DLGAP2: variants seen among roughly 807,000 people sequenced by gnomAD.
The protein encoded by DLGAP2 is disks large-associated protein 2.
In DLGAP2, 26 loss-of-function variants were observed where a neutral mutation model predicts 100.3. That is an observed-to-expected ratio of 0.26 (90% CI 0.19 to 0.36). The LOEUF is 0.36. Ranked by LOEUF, DLGAP2 falls within the 10% of genes least tolerant of loss-of-function variation. The pLI is 1.00. For synonymous variants in DLGAP2, 886 were observed against 630.1 expected (o/e 1.41, Z -6.08); for missense variants, 1,858 against 1,453.2 (o/e 1.28, Z -4.53).
At position 1,552,180 on chromosome 8, in the gene DLGAP2, G is replaced by A. The variant is rs190384879; in HGVS notation, c.1230+2497G>A. Among the ~76,000 whole-genome samples the A allele has an allele frequency of 3.0e-3, 451 of 152,272 alleles. 3 individuals carry two copies. The highest frequency in any genetic ancestry group is 3.9e-3 in the Non-Finnish European group (265 of 68,022). ...ACGTCCACTCAGATGACACATCCTC[G>A]GAAACAACACAGAGCGTTATCGTGC... On this transcript the variant is annotated intron_variant, in intron 5 of 14. Transcript: ENST00000637795.
chr8:1,566,287 A>G (rs1249284317), intron 6 of DLGAP2, among the ~76,000 whole-genome samples: 4 of 152,194 alleles, frequency 2.6e-5, no homozygotes, highest in Admixed American at 2.6e-4. Flanking sequence ...TGTTGACTAT[A>G]ACTTTGTAAG....
At chr8:1,416,522 C>T (rs1432677031) in intron 3 of DLGAP2, among the ~76,000 whole-genome samples, 2 of 152,170 alleles carry the variant, frequency 1.3e-5, no homozygotes, top group Non-Finnish European at 2.9e-5. Flanking sequence ...AGTTCTAGCC[C>T]CGCTGAATGA....
chr8:1,576,162 A>G (rs1584946360), intron 6 of DLGAP2, among the ~76,000 whole-genome samples: 1 of 152,150 alleles, frequency 6.6e-6, no homozygotes, highest in African/African-American at 2.4e-5. Context: ...TCGCCATTCT[A>G]ACTGGTGTGC....
chr8:1,257,192 AC>A, intron 2 of DLGAP2, among the ~76,000 whole-genome samples: 1 of 151,704 alleles, frequency 6.6e-6, no homozygotes, highest in Admixed American at 6.6e-5. Flanking sequence ...TTTCCTTTCC[AC>A]CAACCCTCTC....
intron 2 of DLGAP2, among the ~76,000 whole-genome samples, chr8:1,052,515 A>G (rs1802749141): frequency 6.6e-6 from 1 of 152,170 alleles, no homozygotes; most frequent in Admixed American, 6.5e-5. Context: ...AGGAGTTACT[A>G]TATTCCAGGC....
chr8:1,184,121 A>C (rs1022503987), intron 2 of DLGAP2, among the ~76,000 whole-genome samples: 10 of 152,186 alleles, frequency 6.6e-5, no homozygotes, highest in African/African-American at 2.4e-4. Flanking sequence ...ATTGTGTTTA[A>C]AGCCACTTGA....
intron 6 of DLGAP2, among the ~76,000 whole-genome samples, 178 bp downstream of exon 6, chr8:1,566,072 T>G (rs1802389619): frequency 6.6e-6 from 1 of 152,244 alleles, no homozygotes; most frequent in Non-Finnish European, 1.5e-5. Context: ...AACCAGAGCT[T>G]TTGTTATTTA....
intron 2 of DLGAP2, among the ~76,000 whole-genome samples, chr8:1,144,188 C>A (rs774627476): frequency 6.6e-6 from 1 of 152,168 alleles, no homozygotes; most frequent in East Asian, 1.9e-4. Context: ...CCAGCGGGCG[C>A]GTTTTCACCG....
intron 3 of DLGAP2, among the ~76,000 whole-genome samples, chr8:1,443,512 G>A (rs924258766): frequency 4.6e-5 from 7 of 152,116 alleles, no homozygotes; most frequent in East Asian, 3.9e-4. Context: ...TGGTGTATTC[G>A]TCTGTTCTCA....
intron 2 of DLGAP2, among the ~76,000 whole-genome samples, chr8:1,164,022 T>G (rs1429849542): frequency 1.3e-5 from 2 of 152,192 alleles, no homozygotes; most frequent in Admixed American, 1.3e-4. Flanking sequence ...ACGAGACGCT[T>G]TCCTTCATCT....
intron 4 of DLGAP2, among the ~76,000 whole-genome samples, chr8:1,536,446 G>A (rs1401418883): frequency 6.6e-6 from 1 of 152,146 alleles, no homozygotes; most frequent in Admixed American, 6.5e-5. Flanking sequence ...GCCATACAGA[G>A]GCAGGTGCAT....
intron 3 of DLGAP2, among the ~76,000 whole-genome samples, chr8:1,305,927 A>G (rs1800478873): frequency 6.6e-6 from 1 of 152,192 alleles, no homozygotes; most frequent in African/African-American, 2.4e-5. Flanking sequence ...ATTTCCTTTT[A>G]TACTGTTCAT....
chr8:976,322 T>C (rs1349669955), intron 2 of DLGAP2, among the ~76,000 whole-genome samples: 2 of 152,150 alleles, frequency 1.3e-5, no homozygotes, highest in Non-Finnish European at 2.9e-5. Context: ...GAAAATAGAC[T>C]CAGTGCAGGC....
At chr8:883,434 G>A (rs1479011224) in intron 1 of DLGAP2, 1 of 151,820 alleles carries the variant, frequency 6.6e-6, no homozygotes, top group Non-Finnish European at 1.5e-5. Flanking sequence ...TTAGAATAAT[G>A]ATCCTTTTTA....
At chr8:1,213,547 T>C (rs1798151395) in intron 2 of DLGAP2, among the ~76,000 whole-genome samples, 1 of 152,206 alleles carries the variant, frequency 6.6e-6, no homozygotes, top group African/African-American at 2.4e-5. Context: ...TTTCCACCTG[T>C]ATTCCTAAGA....
chr8:1,391,645 G>C (rs1796358784), intron 3 of DLGAP2, among the ~76,000 whole-genome samples: 1 of 152,216 alleles, frequency 6.6e-6, no homozygotes, highest in Admixed American at 6.5e-5. Context: ...CTCTAGAAGA[G>C]GAGATGGGTT....
intron 2 of DLGAP2, among the ~76,000 whole-genome samples, chr8:1,077,415 G>T (rs1803656691): frequency 6.6e-6 from 1 of 152,276 alleles, no homozygotes; most frequent in African/African-American, 2.4e-5. Flanking sequence ...AGGAGCAGAG[G>T]GGCGGTGGTG....
chr8:759,818 C>A (rs868745758), intron 1 of DLGAP2, among the ~76,000 whole-genome samples: 6 of 152,206 alleles, frequency 3.9e-5, no homozygotes, highest in African/African-American at 4.8e-5. Flanking sequence ...TTTAGTTCTT[C>A]CTTTGCTAAC....
intron 3 of DLGAP2, among the ~76,000 whole-genome samples, chr8:1,474,620 T>C (rs927629848): frequency 2.6e-5 from 4 of 152,156 alleles, no homozygotes; most frequent in African/African-American, 4.8e-5. Context: ...GAAAACATGA[T>C]AAAATGCTCA....
Sources: allele counts gnomAD v4.1 joint callset (sites outside exome capture counted in the v4.1 genomes callset), GRCh38; gene constraint gnomAD v4.1.1; transcripts MANE v1.5; gene names NCBI Gene and HGNC (gene_info 2026-07-23, HGNC 2026-07-21).